ATP13A4: variants seen among roughly 807,000 people sequenced by gnomAD.
ATP13A4 encodes ATPase 13A4, also known as probable cation-transporting ATPase 13A4.
In ATP13A4, 114 loss-of-function variants were observed where a neutral mutation model predicts 142.5. That is an observed-to-expected ratio of 0.80 (90% confidence interval 0.69 to 0.93). ATP13A4 has a LOEUF of 0.93. Among genes scored for constraint, ATP13A4 ranks in the 40% least tolerant of loss-of-function variants. The pLI, the probability that ATP13A4 is intolerant of heterozygous loss-of-function variation, is 0.00. For missense variants in ATP13A4, 1,392 were observed against 1,454.0 expected, an observed-to-expected ratio of 0.96 and a Z score of 0.69; for synonymous variants, 488 against 514.8, an observed-to-expected ratio of 0.95 and a Z score of 0.70.
chr3:193,454,430 A>T (rs906103799), intron 16 of ATP13A4, among the ~76,000 whole-genome samples: 5 of 152,108 alleles, frequency 3.3e-5, no homozygotes, highest in African/African-American at 1.2e-4. Flanking sequence ...TGAAAAACTT[A>T]AAAAAAAGAT....
chr3:193,543,849 A>G (rs1407357126), intron 1 of ATP13A4, among the ~76,000 whole-genome samples: 1 of 152,258 alleles, frequency 6.6e-6, no homozygotes, highest in Non-Finnish European at 1.5e-5. Context: ...TGTTGGCCAT[A>G]TGAGTGATAA....
chr3:193,434,349 A>G (rs1473862878), intron 24 of ATP13A4, among the ~76,000 whole-genome samples: 1 of 152,186 alleles, frequency 6.6e-6, no homozygotes, highest in Middle Eastern at 3.2e-3. Flanking sequence ...TAAACTCACT[A>G]TTTGCATTCT....
At chr3:193,530,400 C>T (rs926261757) in intron 1 of ATP13A4, among the ~76,000 whole-genome samples, 3 of 152,180 alleles carry the variant, frequency 2.0e-5, no homozygotes, top group African/African-American at 7.2e-5. Flanking sequence ...TCCTCTGTAT[C>T]TGAATCACCA....
chr3:193,462,974 CT>C (rs1718043136), intron 12 of ATP13A4, 151 bp from the exon 13 acceptor site: 3 of 707,120 alleles, frequency 4.2e-6, no homozygotes, highest in Non-Finnish European at 7.1e-6. Flanking sequence ...ATGAAACCAC[CT>C]CCCTATTTTA....
At chr3:193,459,331 T>C in intron 13 of ATP13A4, 100 bp from the exon 14 acceptor site, 3 of 1,439,700 alleles carry the variant, frequency 2.1e-6, no homozygotes, top group Non-Finnish European at 2.9e-6. Context: ...TAATTTAATA[T>C]GCTTTGTTGC....
chr3:193,499,516 T>C (rs765452048), intron 3 of ATP13A4, among the ~76,000 whole-genome samples: 11 of 152,226 alleles, frequency 7.2e-5, no homozygotes, highest in Non-Finnish European at 1.6e-4. Flanking sequence ...ATTATTTTCC[T>C]CTTCACTTTG....
intron 1 of ATP13A4, among the ~76,000 whole-genome samples, chr3:193,544,454 C>T (rs1039460996): frequency 1.3e-5 from 2 of 152,080 alleles, no homozygotes; most frequent in Non-Finnish European, 2.9e-5. Flanking sequence ...TTACCTAAGA[C>T]TAAGTCTGGA....
intron 25 of ATP13A4, among the ~76,000 whole-genome samples, chr3:193,428,709 C>T (rs867078671): frequency 2.9e-4 from 43 of 146,478 alleles, no homozygotes; most frequent in African/African-American, 9.7e-4. Flanking sequence ...CCAAGCACCG[C>T]GTGTTCTCAC....
chr3:193,523,402 C>T (rs1721829002), intron 1 of ATP13A4, among the ~76,000 whole-genome samples: 1 of 152,116 alleles, frequency 6.6e-6, no homozygotes, highest in African/African-American at 2.4e-5. Context: ...GAGGAATCAG[C>T]CATATCTTTA....
At chr3:193,574,789 A>G (rs1724359227) in intron 2 of ATP13A4, among the ~76,000 whole-genome samples, 1 of 152,208 alleles carries the variant, frequency 6.6e-6, no homozygotes, top group Admixed American at 6.5e-5. Flanking sequence ...GTGTGTGTTG[A>G]AAAGGAGTGT....
intron 13 of ATP13A4, among the ~76,000 whole-genome samples, chr3:193,462,099 G>A (rs1286198223): frequency 2.6e-5 from 4 of 151,906 alleles, no homozygotes; most frequent in African/African-American, 9.7e-5. Flanking sequence ...GCAGGCACCT[G>A]TAATCTCAGC....
chr3:193,563,530 T>C (rs1352550710), intron 2 of ATP13A4, among the ~76,000 whole-genome samples: 1 of 152,216 alleles, frequency 6.6e-6, no homozygotes, highest in Non-Finnish European at 1.5e-5. Context: ...AGGTGGCACA[T>C]GCCTGTAATC....
At chr3:193,443,702 G>A (rs1716786814) in intron 18 of ATP13A4, among the ~76,000 whole-genome samples, 1 of 152,184 alleles carries the variant, frequency 6.6e-6, no homozygotes, top group African/African-American at 2.4e-5. Flanking sequence ...GGTTTTTAAA[G>A]CAGCTATTAA....
intron 1 of ATP13A4, among the ~76,000 whole-genome samples, chr3:193,526,312 G>T (rs1426159921): frequency 6.6e-6 from 1 of 152,136 alleles, no homozygotes; most frequent in Non-Finnish European, 1.5e-5. Context: ...CATGGATAAA[G>T]CTGGAAGCCA....
intron 2 of ATP13A4, among the ~76,000 whole-genome samples, chr3:193,572,544 C>G (rs1342188271): frequency 6.6e-6 from 1 of 152,128 alleles, no homozygotes; most frequent in Non-Finnish European, 1.5e-5. Flanking sequence ...AGAACATCCT[C>G]GGTTTAGTGG....
Position 193,462,830 on chromosome 3 carries a change from AG to A in ATP13A4, c.1462-8del. 6.2e-7 allele frequency: 1 copy of A among 1,613,618 alleles called. No homozygotes were observed. Among genetic ancestry groups the A allele is most frequent in the East Asian group, 2.2e-5 (1 of 44,870 alleles). On this transcript the variant is annotated splice_polypyrimidine_tract_variant and splice_region_variant and intron_variant, in intron 12 of 29. Coordinates refer to ENST00000342695, the MANE Select transcript of ATP13A4 (RefSeq NM_032279.4). The stretch of plus-strand genomic sequence containing the variant: ...CCCTTGTTAAGGTGCCTGTCTAAAC[AG>A]AAACAAATGCTCCATTTACTCTGAA...
At chr3:193,474,660 A>AC (rs1466523441) in intron 8 of ATP13A4, among the ~76,000 whole-genome samples, 15 of 150,202 alleles carry the variant, frequency 1.0e-4, no homozygotes, top group Non-Finnish European at 1.9e-4. Context: ...AGAAAGAAAG[A>AC]AAGAAAGAAA....
Position 193,399,299 on chromosome 3 carries a change from C to G in ATP13A4, c.*3353G>C, listed in dbSNP as rs892033433. Reference sequence around the variant, plus strand: ...CTCAAGTTTAGGGCACTCTCCCACGCTCTTTCATGCAAAGTTTTTTAACAC... The same window carrying G: ...CTCAAGTTTAGGGCACTCTCCCACGGTCTTTCATGCAAAGTTTTTTAACAC... On this transcript the variant is annotated 3_prime_UTR_variant, in exon 30 of 30. Coordinates refer to ENST00000342695, the MANE Select transcript of ATP13A4 (RefSeq NM_032279.4). 1.3e-5 allele frequency among the ~76,000 whole-genome samples: 2 copies of G among 152,194 alleles called. No homozygotes were observed. Among genetic ancestry groups the G allele is most frequent in the Non-Finnish European group, 2.9e-5 (2 of 68,036 alleles).
chr3:193,460,865 T>C (rs1277762182), intron 13 of ATP13A4, among the ~76,000 whole-genome samples: 1 of 152,194 alleles, frequency 6.6e-6, no homozygotes, highest in Non-Finnish European at 1.5e-5. Flanking sequence ...CCTTTAATAG[T>C]TCTTAAAGTA....
Sources: allele counts gnomAD v4.1 joint callset (sites outside exome capture counted in the v4.1 genomes callset), GRCh38; gene constraint gnomAD v4.1.1; transcripts MANE v1.5; gene names NCBI Gene and HGNC (gene_info 2026-07-23, HGNC 2026-07-21).